MYH13: variants seen among roughly 807,000 people sequenced by gnomAD.
The protein encoded by MYH13 is myosin-13.
A neutral mutation model predicts 232.1 loss-of-function variants in MYH13; 177 were observed. The ratio of observed to expected loss-of-function variants is 0.76; its 90% CI spans 0.67 to 0.86. The LOEUF (loss-of-function observed/expected upper bound fraction) is 0.86, where lower values mean the gene tolerates loss of function less well. MYH13 is among the 40% of genes least tolerant of loss of function. The pLI is 0.00. For missense variants in MYH13, 2,246 were observed against 2,405.9 expected (o/e 0.93, Z 1.39); for synonymous variants, 884 against 923.5 (o/e 0.96, Z 0.78).
At chr17:10,323,587 G>A (rs540216076) in intron 23 of MYH13, among the ~76,000 whole-genome samples, 14 of 151,734 alleles carry the variant, frequency 9.2e-5, no homozygotes, top group African/African-American at 2.9e-4. Context: ...GTGAAACTCC[G>A]TCTCTACTAA....
In MYH13 at chr17:10,346,773, C is replaced by T; in HGVS notation, c.1170G>A (p.Met390Ile). 6.2e-7 allele frequency: 1 copy of T among 1,613,946 alleles called. No homozygotes were observed. The highest frequency in any genetic ancestry group is 2.2e-5 in the East Asian group (1 of 44,890). The change falls in exon 13 of 41, where the codon ATG becomes ATA. Residue 390 changes from methionine to isoleucine, a missense_variant. Met to Ile is a conservative substitution (Grantham distance 10, BLOSUM62 1). Coordinates refer to ENST00000252172, the MANE Select transcript of MYH13 (RefSeq NM_003802.3). The stretch of plus-strand genomic sequence containing the variant: ...TCAGCATTTCTGCAGAATTCAGTCC[C>T]ATCAGGTATCCGGCTTTGTCAGCCA... ...TEVADKAGYL[M>I]GLNSAEMLKG...
Position 10,371,239 on chromosome 17 carries a change from C to A in MYH13, c.-43G>T, listed in dbSNP as rs973675137. The A allele has an allele frequency of 6.6e-6, 1 of 151,820 alleles. No homozygotes were observed. The highest frequency in any genetic ancestry group is 1.5e-5 in the Non-Finnish European group (1 of 67,986). The allele number at this position is 151,820 out of a possible 1,614,324, so 9.4% of individuals were successfully genotyped here. ...TGGTTCCCAAGTGACAGTCAGTGTC[C>A]TTCAGGAATAAAGCGTCTTCCTGGG... On this transcript the variant is annotated 5_prime_UTR_variant, in exon 2 of 41. It adds an upstream start codon to the 5' untranslated region. Coordinates refer to ENST00000252172, the MANE Select transcript of MYH13 (RefSeq NM_003802.3).
chr17:10,300,998 A>G, intron 40 of MYH13, 33 bp from the exon 41 acceptor site: 1 of 1,603,878 alleles, frequency 6.2e-7, no homozygotes, highest in Non-Finnish European at 8.5e-7. Flanking sequence ...TACATAGGAA[A>G]TGAGTCAACT....
At chr17:10,366,990 G>A (rs2071842789) in intron 2 of MYH13, among the ~76,000 whole-genome samples, 1 of 152,230 alleles carries the variant, frequency 6.6e-6, no homozygotes, top group East Asian at 1.9e-4. Flanking sequence ...GAATTCAAAT[G>A]CAGCACCCAC....
intron 23 of MYH13, among the ~76,000 whole-genome samples, chr17:10,323,641 C>G (rs1002723574): frequency 7.3e-5 from 11 of 151,724 alleles, no homozygotes; most frequent in Admixed American, 7.2e-4. Flanking sequence ...TGCCTGTAAT[C>G]CCAGCTACTT....
In MYH13 at chr17:10,355,237, A is replaced by G. The variant is rs2071740392; in HGVS notation, c.739-90T>C. The G allele has an allele frequency of 7.6e-6, 10 of 1,318,246 alleles. No individual in the cohort carries two copies. The South Asian group carries it at 1.3e-4, about 17-fold the overall frequency. The allele number at this position is 1,318,246 out of a possible 1,614,324, so 81.7% of individuals were successfully genotyped here. ...AGATAGGTGCTGCCACAGATAAATTATAAATGCAAAAATGCTAGAGAACAG... is the reference window on the plus strand; with the variant it reads ...AGATAGGTGCTGCCACAGATAAATTGTAAATGCAAAAATGCTAGAGAACAG... On this transcript the variant is annotated intron_variant, in intron 8 of 40. Transcript: ENST00000252172.
chr17:10,362,612 G>T, intron 3 of MYH13, 109 bp from the exon 4 acceptor site: 1 of 1,381,728 alleles, frequency 7.2e-7, no homozygotes. Context: ...TTACCGCATT[G>T]TGATGGATAA....
chr17:10,351,028 T>C (rs1268932678), intron 11 of MYH13, among the ~76,000 whole-genome samples: 1 of 151,868 alleles, frequency 6.6e-6, no homozygotes, highest in Non-Finnish European at 1.5e-5. Context: ...GAGACCATCC[T>C]GGCCAACATG....
intron 39 of MYH13, 66 bp downstream of exon 39, chr17:10,303,129 CG>C: frequency 7.0e-7 from 1 of 1,424,994 alleles, no homozygotes. Flanking sequence ...ACCAGGATGG[CG>C]GGGACACCCA....
rs746709351 is a variant in MYH13, at chr17:10,360,033, C to T, written c.572G>A (p.Arg191His). ...SGAGKTVNTK[R>H]VIQYFATIAV... The stretch of plus-strand genomic sequence containing the variant: ...AATTGTTGCAAAATACTGGATGACA[C>T]GCTTGGTGTTCACAGTCTTCCCAGC... Residue 191 changes from arginine to histidine, a missense_variant, in exon 7 of 41, where the codon CGT becomes CAT. Physicochemically the swap from Arg to His is conservative, Grantham distance 29. Transcript: ENST00000252172. 22 of 1,614,006 alleles carry T rather than the reference C, an allele frequency of 1.4e-5. No homozygotes were observed. The highest frequency in any genetic ancestry group is 5.0e-5 in the Admixed American group (3 of 60,000).
In MYH13 at chr17:10,324,121, C is replaced by T. The variant is rs756377368; in HGVS notation, c.2835G>A (p.Arg945=). ...EMNSELVAKK[R]NLEDKCSSLK... ...GAGAGGAGCATTTATCTTCCAGATTCCTCTTCTTGGCAACCAATTCAGAAT... is the reference window on the plus strand; with the variant it reads ...GAGAGGAGCATTTATCTTCCAGATTTCTCTTCTTGGCAACCAATTCAGAAT... Residue 945 remains arginine, a synonymous_variant, in exon 23 of 41, where the codon AGG becomes AGA. Transcript: ENST00000252172. 3 of 1,613,942 alleles carry T rather than the reference C, an allele frequency of 1.9e-6. No homozygotes were observed. Among genetic ancestry groups the T allele is most frequent in the South Asian group, 2.2e-5 (2 of 91,064 alleles).
chr17:10,315,916 C>G lies in MYH13; in HGVS notation c.3848G>C (p.Arg1283Thr), dbSNP rs766683819. Residue 1283 changes from arginine (R) to threonine (T), a missense_variant, in exon 28 of 41, where the codon AGA becomes ACA. Coordinates refer to ENST00000252172, the MANE Select transcript of MYH13 (RefSeq NM_003802.3). ...ATTCTCACCATTTTGGGTCTGCAGT[C>G]TTGCTTTCTGCATGTTCAGATCATG... ...LIHDLNMQKA[R>T]LQTQNGELSH... The G allele has an allele frequency of 6.2e-7, 1 of 1,614,004 alleles. No individual in the cohort carries two copies. Among genetic ancestry groups the G allele is most frequent in the Non-Finnish European group, 8.5e-7 (1 of 1,179,902 alleles).
chr17:10,360,123 G>A, intron 6 of MYH13, 38 bp downstream of exon 6: 1 of 1,614,078 alleles, frequency 6.2e-7, no homozygotes, highest in Non-Finnish European at 8.5e-7. Context: ...GAGGGCACTG[G>A]TTTCCAAGTC....
At chr17:10,340,819 C>A (rs2142255528) in intron 16 of MYH13, among the ~76,000 whole-genome samples, 1 of 151,432 alleles carries the variant, frequency 6.6e-6, no homozygotes, top group East Asian at 2.0e-4. Flanking sequence ...TTTAAAATGC[C>A]CCCAAACTAC....
intron 35 of MYH13, 48 bp from the exon 36 acceptor site, chr17:10,307,112 TA>T (rs751743442): frequency 1.6e-4 from 260 of 1,592,202 alleles, no homozygotes; most frequent in Middle Eastern, 6.8e-4. Flanking sequence ...TTGGGGCGCT[TA>T]AAAAAATTGG....
chr17:10,344,317 A>G (rs1326168754), intron 15 of MYH13, among the ~76,000 whole-genome samples: 3 of 152,204 alleles, frequency 2.0e-5, no homozygotes, highest in African/African-American at 7.2e-5. Context: ...TTTGCTGAAC[A>G]AAAGAATATA....
intron 21 of MYH13, among the ~76,000 whole-genome samples, chr17:10,329,367 C>T (rs1196331024): frequency 6.6e-6 from 1 of 152,162 alleles, no homozygotes; most frequent in East Asian, 1.9e-4. Context: ...TTAATCCATG[C>T]CCTCCTCTCT....
Position 10,307,054 on chromosome 17 carries a change from A to C in MYH13, c.5180T>G (p.Leu1727Arg), listed in dbSNP as rs941799735. 2 of 1,613,872 alleles carry C rather than the reference A, an allele frequency of 1.2e-6. No homozygotes were observed. Among genetic ancestry groups the C allele is most frequent in the Non-Finnish European group, 8.5e-7 (1 of 1,179,856 alleles). ...VQLLHSQNTS[L>R]INTKKKLEAD... Reference sequence around the variant, plus strand: ...CTCCAGTTTTTTCTTGGTATTTATCAGGCTTGTGTTCTACAAGAAGAATTA... The same window carrying C: ...CTCCAGTTTTTTCTTGGTATTTATCCGGCTTGTGTTCTACAAGAAGAATTA... Residue 1727 changes from leucine (L) to arginine (R), a missense_variant, in exon 36 of 41, where the codon CTG (leucine) becomes CGG (arginine). Coordinates refer to ENST00000252172, the MANE Select transcript of MYH13 (RefSeq NM_003802.3).
At chr17:10,345,749 C>G in intron 13 of MYH13, 133 bp from the exon 14 acceptor site, 1 of 1,478,700 alleles carries the variant, frequency 6.8e-7, no homozygotes, top group Non-Finnish European at 9.3e-7. Flanking sequence ...AATCCCAGCA[C>G]TTTGGGAGGC....
Sources: gnomAD v4.1 joint callset for allele counts (sites outside exome capture counted in the v4.1 genomes callset) on GRCh38, gnomAD v4.1.1 for gene constraint, MANE v1.5 for transcripts, NCBI Gene and HGNC (gene_info 2026-07-23, HGNC 2026-07-21) for gene names.